Variants in CDC20B observed in about 807,000 individuals in gnomAD.
CDC20B encodes the protein cell division cycle 20B, also known as cell division cycle protein 20 homolog B.
In CDC20B, 58 loss-of-function variants were observed where a neutral mutation model predicts 64.1. The observed-to-expected ratio is 0.90, with a 90% CI of 0.73 to 1.13. CDC20B has a LOEUF of 1.13. Ranked by LOEUF, CDC20B falls within the 50% of genes most tolerant of loss-of-function variation. The probability of loss-of-function intolerance (pLI) is 0.00; values close to 1 mark genes in which losing one functional copy is unlikely to be tolerated. For missense variants in CDC20B, 597 were observed against 633.0 expected, an observed-to-expected ratio of 0.94 and a Z score of 0.61; for synonymous variants, 243 against 230.6, an observed-to-expected ratio of 1.05 and a Z score of -0.49.
chr5:55,161,696 T>C lies in CDC20B; in HGVS notation c.126+10892A>G, dbSNP rs536130546. Among the ~76,000 whole-genome samples, 4 of 152,362 alleles carry C rather than the reference T, an allele frequency of 2.6e-5. No individual in the cohort carries two copies. The East Asian group carries it at 7.7e-4, about 29-fold the overall frequency. ...GTTGTCTTTCTTATCTGAAACAATA[T>C]TCTCAAAGATGAATATGTCAGCTTA... On this transcript the variant is annotated intron_variant, in intron 2 of 11. Transcript: ENST00000381375.
At chr5:55,138,119 G>A (rs937669180) in intron 5 of CDC20B, among the ~76,000 whole-genome samples, 8 of 149,486 alleles carry the variant, frequency 5.4e-5, no homozygotes, top group African/African-American at 2.0e-4. Flanking sequence ...ATTCAATAGC[G>A]CCAGGCACCA....
At chr5:55,148,442 G>A (rs1252531755) in intron 2 of CDC20B, among the ~76,000 whole-genome samples, 1 of 152,244 alleles carries the variant, frequency 6.6e-6, no homozygotes, top group Non-Finnish European at 1.5e-5. Flanking sequence ...AGCCGGCCGT[G>A]GCGGCTCATG....
At chr5:55,142,673 T>A (rs1375855234) in intron 4 of CDC20B, among the ~76,000 whole-genome samples, 5 of 152,166 alleles carry the variant, frequency 3.3e-5, no homozygotes, top group Admixed American at 2.0e-4. Flanking sequence ...GGCCATTCCC[T>A]ATCCCCCAAA....
chr5:55,172,886 T>C, intron 1 of CDC20B, 52 bp downstream of exon 1: 3 of 1,491,162 alleles, frequency 2.0e-6, no homozygotes, highest in Non-Finnish European at 2.7e-6. Flanking sequence ...GAACGGGGCC[T>C]TCGGCCCCGC....
chr5:55,117,468 T>C (rs1327519588), intron 11 of CDC20B, among the ~76,000 whole-genome samples: 2 of 152,216 alleles, frequency 1.3e-5, no homozygotes, highest in African/African-American at 4.8e-5. Flanking sequence ...TTTCCCATCC[T>C]ATACTATTCT....
intron 2 of CDC20B, among the ~76,000 whole-genome samples, chr5:55,156,573 T>G (rs1196239156): frequency 1.3e-5 from 2 of 152,006 alleles, no homozygotes; most frequent in African/African-American, 4.8e-5. Context: ...AGTATAAAGC[T>G]CTCTAAAAAC....
At position 55,152,769 on chromosome 5, in the gene CDC20B, C is replaced by T. The variant is rs148008399; in HGVS notation, c.127-5913G>A. The stretch of plus-strand genomic sequence containing the variant: ...TGCTATATCATACACTCCTTAAGAC[C>T]AGGGACTTTGTCTTTTATCTTACTA... On this transcript the variant is annotated intron_variant, in intron 2 of 11. Coordinates refer to ENST00000381375, the MANE Select transcript of CDC20B (RefSeq NM_001170402.1). Among the ~76,000 whole-genome samples the T allele has an allele frequency of 1.8e-3, 276 of 152,252 alleles. 2 individuals carry two copies. The Middle Eastern group carries it at 0.02, about 11-fold the overall frequency.
At position 55,137,438 on chromosome 5, in the gene CDC20B, A is replaced by G. The variant is rs139834697; in HGVS notation, c.580+2876T>C. On this transcript the variant is annotated intron_variant, in intron 5 of 11. Coordinates refer to ENST00000381375, the MANE Select transcript of CDC20B (RefSeq NM_001170402.1). ...GCATAAAGAATTGCTTTATATACAC[A>G]GCATTTGGATAACATTTGTCCCCGT... 94 of 421,062 alleles carry G rather than the reference A, an allele frequency of 2.2e-4. 1 individual carries two copies. The highest frequency in any genetic ancestry group is 1.8e-3 in the African/African-American group (87 of 49,314). The allele number at this position is 421,062 out of a possible 1,614,324, so 26.1% of individuals were successfully genotyped here.
intron 2 of CDC20B, among the ~76,000 whole-genome samples, chr5:55,153,823 AT>A (rs1165493373): frequency 1.3e-5 from 2 of 152,152 alleles, no homozygotes; most frequent in Admixed American, 6.5e-5. Context: ...TCTTATTTAG[AT>A]TTTTTTTCTT....
chr5:55,164,162 C>A, intron 2 of CDC20B: 10 of 1,598,550 alleles, frequency 6.3e-6, no homozygotes, highest in Non-Finnish European at 8.6e-6. Flanking sequence ...AGTCATCAGG[C>A]CTGACATAGC....
chr5:55,126,761 A>G (rs1742903847), intron 8 of CDC20B, among the ~76,000 whole-genome samples: 1 of 152,166 alleles, frequency 6.6e-6, no homozygotes, highest in African/African-American at 2.4e-5. Context: ...GAAGCCAGCA[A>G]TCTGCATTTT....
At chr5:55,129,889 A>G (rs1202040250) in intron 6 of CDC20B, among the ~76,000 whole-genome samples, 1 of 152,258 alleles carries the variant, frequency 6.6e-6, no homozygotes, top group East Asian at 1.9e-4. Flanking sequence ...CATTCTCCAC[A>G]GGACCCAGTG....
At chr5:55,128,292 T>C in intron 7 of CDC20B, 129 bp downstream of exon 7, 1 of 551,924 alleles carries the variant, frequency 1.8e-6, no homozygotes, top group Non-Finnish European at 3.0e-6. Flanking sequence ...GAATGTCATC[T>C]CCTTTTATTC....
intron 2 of CDC20B, among the ~76,000 whole-genome samples, chr5:55,162,926 G>T (rs933366223): frequency 6.6e-6 from 1 of 152,138 alleles, no homozygotes; most frequent in Non-Finnish European, 1.5e-5. Flanking sequence ...TAAAAGGCCC[G>T]TATATCAATC....
At chr5:55,146,095 T>G (rs1743465935) in intron 3 of CDC20B, among the ~76,000 whole-genome samples, 1 of 152,124 alleles carries the variant, frequency 6.6e-6, no homozygotes, top group Admixed American at 6.5e-5. Flanking sequence ...AAAATTAAGC[T>G]AAATTTTGCC....
At chr5:55,135,941 A>G (rs956970684) in intron 5 of CDC20B, 2 of 151,334 alleles carry the variant, frequency 1.3e-5, no homozygotes, top group Non-Finnish European at 2.9e-5. Flanking sequence ...GAAAATTTCC[A>G]AAAAAAATAT....
intron 2 of CDC20B, chr5:55,164,858 A>G (rs768691711): frequency 1.3e-5 from 2 of 152,254 alleles, no homozygotes; most frequent in Non-Finnish European, 2.9e-5. Context: ...TGTAACTGAC[A>G]TATATAAATA....
intron 2 of CDC20B, chr5:55,165,006 TGA>T (rs1407205572): frequency 6.6e-6 from 1 of 152,194 alleles, no homozygotes; most frequent in Non-Finnish European, 1.5e-5. Context: ...TATTTTTGCG[TGA>T]AAATCCCAAG....
chr5:55,148,711 A>G (rs919043129), intron 2 of CDC20B, among the ~76,000 whole-genome samples: 4 of 152,262 alleles, frequency 2.6e-5, no homozygotes, highest in African/African-American at 7.2e-5. Context: ...ATAAAAACAA[A>G]AAAAGAAAAA....
Sources: allele counts gnomAD v4.1 joint callset (sites outside exome capture counted in the v4.1 genomes callset), GRCh38; gene constraint gnomAD v4.1.1; transcripts MANE v1.5; gene names NCBI Gene and HGNC (gene_info 2026-07-23, HGNC 2026-07-21).